Variants in NIPBL observed in about 807,000 individuals in gnomAD.
NIPBL encodes nipped-B-like protein.
Under a neutral mutation model 321.8 loss-of-function variants are expected in NIPBL, and 19 were observed. That is an observed-to-expected ratio of 0.06 (90% CI 0.04 to 0.09). The LOEUF (loss-of-function observed/expected upper bound fraction) is 0.09, where lower values mean the gene tolerates loss of function less well. Ranked by LOEUF, NIPBL falls within the 10% of genes least tolerant of loss-of-function variation. The probability of loss-of-function intolerance (pLI) is 1.00; values close to 1 mark genes in which losing one functional copy is unlikely to be tolerated. For missense variants in NIPBL, 2,210 were observed against 3,327.0 expected, an observed-to-expected ratio of 0.66 and a Z score of 8.26; for synonymous variants, 1,106 against 1,114.1, an observed-to-expected ratio of 0.99 and a Z score of 0.14.
At chr5:37,025,908 G>T (rs760277381) in intron 30 of NIPBL, among the ~76,000 whole-genome samples, 1 of 151,748 alleles carries the variant, frequency 6.6e-6, no homozygotes, top group Non-Finnish European at 1.5e-5. Context: ...AGCAAACACT[G>T]TAACAACTTC....
At chr5:36,983,883 A>G (rs1744425563) in intron 9 of NIPBL, among the ~76,000 whole-genome samples, 2 of 152,060 alleles carry the variant, frequency 1.3e-5, no homozygotes, top group South Asian at 4.1e-4. Flanking sequence ...ATCCCAGAAC[A>G]TTATAACTTT....
At chr5:37,003,182 G>A (rs923755660) in intron 15 of NIPBL, 79 bp from the exon 16 acceptor site, 14 of 884,462 alleles carry the variant, frequency 1.6e-5, no homozygotes, top group East Asian at 7.3e-5. Flanking sequence ...AGCTCAAAGG[G>A]AATAATTGTA....
intron 42 of NIPBL, among the ~76,000 whole-genome samples, chr5:37,056,344 G>T (rs570367419): frequency 6.6e-6 from 1 of 152,128 alleles, no homozygotes; most frequent in Admixed American, 6.5e-5. Context: ...GAAGGTAGAT[G>T]GTAGGAGTGA....
chr5:37,011,556 A>AAG (rs564949917), intron 21 of NIPBL, among the ~76,000 whole-genome samples: 1 of 152,208 alleles, frequency 6.6e-6, no homozygotes, highest in Non-Finnish European at 1.5e-5. Context: ...ACCTGTCTAA[A>AAG]AATGAATGAA....
At chr5:36,955,085 T>A (rs1740791906) in intron 2 of NIPBL, 1 of 190,124 alleles carries the variant, frequency 5.3e-6, no homozygotes, top group South Asian at 1.0e-4. Flanking sequence ...TCAGATATTG[T>A]TATTTGTTTG....
intron 30 of NIPBL, among the ~76,000 whole-genome samples, chr5:37,025,132 A>G (rs951317657): frequency 6.6e-6 from 1 of 152,210 alleles, no homozygotes; most frequent in Non-Finnish European, 1.5e-5. Context: ...GCATGCCTAT[A>G]GTTCCAGCTA....
At chr5:37,024,298 A>G (rs1218533866) in intron 29 of NIPBL, among the ~76,000 whole-genome samples, 3 of 152,192 alleles carry the variant, frequency 2.0e-5, no homozygotes, top group Non-Finnish European at 4.4e-5. Flanking sequence ...TCTAAAGCTT[A>G]TGTTTGTTTT....
chr5:37,026,669 C>T (rs1750303168), intron 31 of NIPBL, among the ~76,000 whole-genome samples: 1 of 152,088 alleles, frequency 6.6e-6, no homozygotes, highest in Non-Finnish European at 1.5e-5. Flanking sequence ...CTACTTTTTT[C>T]AGAAATTATG....
chr5:37,046,032 G>A, intron 37 of NIPBL, 77 bp from the exon 38 acceptor site: 2 of 766,614 alleles, frequency 2.6e-6, no homozygotes, highest in South Asian at 3.0e-5. Context: ...TTGTTTTAAG[G>A]TATTTTTTTC....
At chr5:36,984,192 C>T (rs1353392928) in intron 9 of NIPBL, among the ~76,000 whole-genome samples, 1 of 151,380 alleles carries the variant, frequency 6.6e-6, no homozygotes, top group Non-Finnish European at 1.5e-5. Flanking sequence ...CCATACTTAT[C>T]TTAGATACAG....
At chr5:37,028,736 T>C (rs936254025) in intron 32 of NIPBL, among the ~76,000 whole-genome samples, 2 of 152,238 alleles carry the variant, frequency 1.3e-5, no homozygotes, top group Non-Finnish European at 2.9e-5. Context: ...TTTAAAAAAT[T>C]ATCATTTATA....
intron 1 of NIPBL, among the ~76,000 whole-genome samples, chr5:36,940,752 T>C (rs1048078332): frequency 5.3e-5 from 8 of 152,128 alleles, no homozygotes; most frequent in African/African-American, 1.9e-4. Flanking sequence ...CCTCTGTAAT[T>C]ATTGTCTTAA....
intron 6 of NIPBL, among the ~76,000 whole-genome samples, chr5:36,967,103 T>C (rs1489683211): frequency 1.3e-5 from 2 of 152,092 alleles, no homozygotes; most frequent in East Asian, 3.9e-4. Context: ...TACAGATCGA[T>C]AAGAACAAGA....
intron 44 of NIPBL, among the ~76,000 whole-genome samples, chr5:37,059,883 A>G (rs1365576687): frequency 6.6e-6 from 1 of 152,180 alleles, no homozygotes; most frequent in Non-Finnish European, 1.5e-5. Context: ...AGCTATTATA[A>G]ACACCCTGTA....
chr5:36,975,665 TTTC>T (rs1320206711), intron 8 of NIPBL, 108 bp from the exon 9 acceptor site: 1 of 1,049,664 alleles, frequency 9.5e-7, no homozygotes, highest in African/African-American at 1.6e-5. Context: ...GATTATATAA[TTTC>T]TTATTTTTTT....
Position 36,984,951 on chromosome 5 carries a change from T to C in NIPBL, c.1771T>C (p.Ser591Pro), listed in dbSNP as rs1366653871. ...GGAAGATATTGTTGGAAGTCTTAAA[T>C]CTACACCAGAAAACCATCCTGAGAC... The part of the protein sequence containing the change: ...LQEDIVGSLK[S>P]TPENHPETPK... The change falls in exon 10 of 47, where the codon TCT becomes CCT. Residue 591 changes from serine to proline, a missense_variant. This residue lies in a region of NIPBL where 588 missense variants were observed against 564.1 expected (regional missense o/e 1.04). Coordinates refer to ENST00000282516, the MANE Select transcript of NIPBL (RefSeq NM_133433.4). The C allele has an allele frequency of 6.2e-7, 1 of 1,613,696 alleles. No individual in the cohort carries two copies. Among genetic ancestry groups the C allele is most frequent in the Non-Finnish European group, 8.5e-7 (1 of 1,179,910 alleles).
intron 9 of NIPBL, among the ~76,000 whole-genome samples, chr5:36,977,958 T>A (rs1295536645): frequency 1.3e-5 from 2 of 151,924 alleles, no homozygotes; most frequent in East Asian, 3.8e-4. Flanking sequence ...TCTTTATGAT[T>A]GTGTACCACG....
intron 1 of NIPBL, among the ~76,000 whole-genome samples, chr5:36,877,455 A>G (rs1038489215): frequency 6.6e-6 from 1 of 152,162 alleles, no homozygotes; most frequent in African/African-American, 2.4e-5. Context: ...GGCCAGCGGA[A>G]TCTACTTGAG....
chr5:36,966,088 A>G (rs1260469857), intron 6 of NIPBL, among the ~76,000 whole-genome samples: 2 of 152,122 alleles, frequency 1.3e-5, no homozygotes, highest in African/African-American at 4.8e-5. Flanking sequence ...GTATCATCTA[A>G]TATCCAGAAT....
Sources: allele counts gnomAD v4.1 joint callset (sites outside exome capture counted in the v4.1 genomes callset), GRCh38; gene constraint gnomAD v4.1.1; regional missense constraint gnomAD v4.1.1; transcripts MANE v1.5; gene names NCBI Gene and HGNC (gene_info 2026-07-23, HGNC 2026-07-21).